The following TNFRSF10D variants were observed in gnomAD, a reference collection of about 807,000 sequenced individuals.
The protein encoded by TNFRSF10D is TNF receptor superfamily member 10d.
Under a neutral mutation model 42.1 loss-of-function variants are expected in TNFRSF10D, and 28 were observed. The observed-to-expected ratio is 0.66, with a 90% CI of 0.49 to 0.91. The LOEUF (loss-of-function observed/expected upper bound fraction) is 0.91. TNFRSF10D is among the 40% of genes least tolerant of loss of function. The probability of loss-of-function intolerance (pLI) is 0.00; values close to 1 mark genes in which losing one functional copy is unlikely to be tolerated. For synonymous variants in TNFRSF10D, 186 were observed against 189.4 expected (o/e 0.98, Z 0.15); for missense variants, 503 against 486.1 (o/e 1.03, Z -0.33).
rs1814319768 is a variant in TNFRSF10D at position 23,136,018 on chromosome 8, A to C, written c.*1852T>G. On this transcript the variant is annotated 3_prime_UTR_variant, in exon 9 of 9. Coordinates refer to ENST00000312584, the MANE Select transcript of TNFRSF10D (RefSeq NM_003840.5). The stretch of plus-strand genomic sequence containing the variant: ...AGACCGGAAAGGCCATCCCCTCCTA[A>C]AACTCCATGGACACAACAATCTGAA... The C allele has an allele frequency of 4.7e-6, 2 of 425,018 alleles. No homozygotes were observed. The highest frequency in any genetic ancestry group is 1.7e-5 in the South Asian group (1 of 58,610). The allele number at this position is 425,018 out of a possible 1,614,324, so 26.3% of individuals were successfully genotyped here.
At chr8:23,151,830 TA>T (rs1469388307) in intron 2 of TNFRSF10D, among the ~76,000 whole-genome samples, 2 of 152,232 alleles carry the variant, frequency 1.3e-5, no homozygotes, top group African/African-American at 4.8e-5. Context: ...TGCTTAGGAA[TA>T]AATTTAACCA....
chr8:23,159,077 C>T (rs1479836359), intron 1 of TNFRSF10D, among the ~76,000 whole-genome samples: 11 of 152,038 alleles, frequency 7.2e-5, no homozygotes, highest in African/African-American at 2.7e-4. Flanking sequence ...TATTCCTTCA[C>T]ACGACATGAT....
chr8:23,138,404 T>C (rs1439114228), intron 7 of TNFRSF10D, 144 bp from the exon 8 acceptor site: 2 of 775,574 alleles, frequency 2.6e-6, no homozygotes, highest in East Asian at 2.6e-5. Context: ...TGGTCCTCCA[T>C]AGCTCTTGGG....
intron 2 of TNFRSF10D, among the ~76,000 whole-genome samples, chr8:23,149,062 C>T (rs1019756566): frequency 3.0e-4 from 45 of 150,444 alleles, no homozygotes; most frequent in East Asian, 1.4e-3. Flanking sequence ...TGGTGGCAGG[C>T]ACCTGTAATC....
chr8:23,146,336 C>T (rs73546696), intron 4 of TNFRSF10D, among the ~76,000 whole-genome samples: 5,331 of 152,288 alleles, frequency 0.035, 283 homozygotes, highest in African/African-American at 0.12. Context: ...TTCCTCCCAA[C>T]CACAGCAAAC....
intron 1 of TNFRSF10D, among the ~76,000 whole-genome samples, chr8:23,159,600 A>C (rs1388174408): frequency 6.6e-6 from 1 of 152,174 alleles, no homozygotes; most frequent in Non-Finnish European, 1.5e-5. Flanking sequence ...ATGGTGGCAC[A>C]CACCTGTAAT....
chr8:23,148,376 T>A (rs1800156679), intron 3 of TNFRSF10D, 62 bp downstream of exon 3: 4 of 1,354,296 alleles, frequency 3.0e-6, no homozygotes, highest in Non-Finnish European at 3.1e-6. Flanking sequence ...TCACATCGGC[T>A]ACAGCTCCCA....
chr8:23,135,991 G>A lies in TNFRSF10D; in HGVS notation c.*1879C>T, dbSNP rs913991411. ...TGGAAGTGGGAGAGGATGGAAGTGC[G>A]AAGACCGGAAAGGCCATCCCCTCCT... On this transcript the variant is annotated 3_prime_UTR_variant, in exon 9 of 9. Coordinates refer to ENST00000312584, the MANE Select transcript of TNFRSF10D (RefSeq NM_003840.5). The A allele has an allele frequency of 5.9e-5, 26 of 441,094 alleles. No homozygotes were observed. Among genetic ancestry groups the A allele is most frequent in the South Asian group, 3.4e-4 (21 of 62,098 alleles). 27.3% of individuals were successfully genotyped at this position (441,094 alleles called of 1,614,324 possible). A position where few individuals can be genotyped will look rare whatever the true frequency, so the allele number is the denominator to read the frequency against.
At chr8:23,141,303 G>A (rs146676056) in intron 7 of TNFRSF10D, among the ~76,000 whole-genome samples, 23 of 152,140 alleles carry the variant, frequency 1.5e-4, no homozygotes, top group South Asian at 1.5e-3. Flanking sequence ...TTAGGAGTTC[G>A]AGACCAGCCT....
intron 3 of TNFRSF10D, among the ~76,000 whole-genome samples, chr8:23,147,889 C>T (rs1292249320): frequency 4.0e-5 from 6 of 151,644 alleles, no homozygotes; most frequent in Non-Finnish European, 5.9e-5. Flanking sequence ...GGTGAAACCC[C>T]GTCTCTACTA....
rs369972483 is a variant in TNFRSF10D at position 23,163,769 on chromosome 8, C to T, written c.150+17G>A. ...AGGTGCGCTCTTCCCCAGCCAGGGA[C>T]CGCGGCGGAGACTCACCGGCAGCAG... is the stretch of plus-strand genomic sequence containing the variant. On this transcript the variant is annotated intron_variant, in intron 1 of 8. Transcript: ENST00000312584. 9.0e-5 allele frequency: 144 copies of T among 1,606,794 alleles called. 1 individual carries two copies. The African/African-American group carries it at 1.5e-3, about 17-fold the overall frequency.
intron 7 of TNFRSF10D, among the ~76,000 whole-genome samples, chr8:23,143,887 G>A (rs1247909580): frequency 6.6e-6 from 1 of 152,040 alleles, no homozygotes; most frequent in Non-Finnish European, 1.5e-5. Context: ...ACAAATGTGT[G>A]TCCAGATTTC....
chr8:23,143,534 C>T (rs1437091411), intron 7 of TNFRSF10D, among the ~76,000 whole-genome samples: 1 of 151,828 alleles, frequency 6.6e-6, no homozygotes, highest in African/African-American at 2.4e-5. Context: ...TTGTTTATTT[C>T]CTTACCTTTT....
In TNFRSF10D at chr8:23,135,987, G is replaced by T. The variant is rs879025756; in HGVS notation, c.*1883C>A. The T allele has an allele frequency of 4.5e-6, 2 of 443,396 alleles. No homozygotes were observed. The highest frequency in any genetic ancestry group is 2.4e-5 in the Admixed American group (1 of 41,612). 27.5% of individuals were successfully genotyped at this position (443,396 alleles called of 1,614,324 possible). ...CAGATGGAAGTGGGAGAGGATGGAA[G>T]TGCGAAGACCGGAAAGGCCATCCCC... On this transcript the variant is annotated 3_prime_UTR_variant, in exon 9 of 9. Transcript: ENST00000312584.
intron 1 of TNFRSF10D, among the ~76,000 whole-genome samples, chr8:23,155,691 C>G (rs1370789793): frequency 6.6e-6 from 1 of 151,160 alleles, no homozygotes; most frequent in Non-Finnish European, 1.5e-5. Flanking sequence ...AAGAGCGAGA[C>G]TCTGTCTCAA....
intron 7 of TNFRSF10D, among the ~76,000 whole-genome samples, chr8:23,143,257 T>A (rs931113692): frequency 2.7e-5 from 4 of 148,890 alleles, no homozygotes; most frequent in Non-Finnish European, 5.9e-5. Context: ...ATTACAGGCA[T>A]GAGCCACGGC....
chr8:23,151,690 A>G (rs1364328604), intron 2 of TNFRSF10D, among the ~76,000 whole-genome samples: 1 of 152,236 alleles, frequency 6.6e-6, no homozygotes. Flanking sequence ...GTTTTTTATG[A>G]GATCAAAGAT....
chr8:23,146,984 C>T lies in TNFRSF10D; in HGVS notation c.459G>A (p.Glu153=), dbSNP rs766533566. 1.2e-6 allele frequency: 2 copies of T among 1,614,200 alleles called. No homozygotes were observed. Among genetic ancestry groups the T allele is most frequent in the South Asian group, 1.1e-5 (1 of 91,088 alleles). ...KGSFQDKNSP[E]MCRTCRTGCP... ...ACCCTGTTCTACACGTCCGGCACAT[C>T]TCAGGGGAGTTTTTATCCTGGAAGC... The change falls in exon 4 of 9, where the codon GAG becomes GAA. Residue 153 remains glutamate (E), a synonymous_variant. Transcript: ENST00000312584.
Position 23,141,794 on chromosome 8 carries a change from G to A in TNFRSF10D, c.954+2656C>T, listed in dbSNP as rs116456237. Among the ~76,000 whole-genome samples, 982 of 152,212 alleles carry A rather than the reference G, an allele frequency of 6.5e-3. 15 individuals are homozygous for A. Among genetic ancestry groups the A allele is most frequent in the African/African-American group, 0.022 (920 of 41,514 alleles). ...TACCATCTCATACAGTGAGAATGGCGATTATTAAAAAGCCAGTAACAGTAA... is the reference window on the plus strand; with the variant it reads ...TACCATCTCATACAGTGAGAATGGCAATTATTAAAAAGCCAGTAACAGTAA... On this transcript the variant is annotated intron_variant, in intron 7 of 8. Coordinates refer to ENST00000312584, the MANE Select transcript of TNFRSF10D (RefSeq NM_003840.5).
Sources: gnomAD v4.1 joint callset for allele counts (sites outside exome capture counted in the v4.1 genomes callset) on GRCh38, gnomAD v4.1.1 for gene constraint, MANE v1.5 for transcripts, NCBI Gene and HGNC (gene_info 2026-07-23, HGNC 2026-07-21) for gene names.